The following PKHD1 variants were observed in gnomAD, a reference collection of about 807,000 sequenced individuals.
The protein encoded by PKHD1 is PKHD1 ciliary IPT domain containing fibrocystin/polyductin.
A neutral mutation model predicts 412.0 loss-of-function variants in PKHD1; 291 were observed. The ratio of observed to expected loss-of-function variants is 0.71; its 90% CI spans 0.64 to 0.78. PKHD1 has a LOEUF of 0.78. Ranked by LOEUF, PKHD1 falls within the 30% of genes least tolerant of loss-of-function variation. The probability of loss-of-function intolerance (pLI) is 0.00; values close to 1 mark genes in which losing one functional copy is unlikely to be tolerated. For missense variants in PKHD1, 4,825 were observed against 4,950.7 expected (o/e 0.97, Z 0.76); for synonymous variants, 1,777 against 1,821.5 (o/e 0.98, Z 0.62).
chr6:51,960,107 T>C, intron 35 of PKHD1, 81 bp from the exon 36 acceptor site: 1 of 1,325,438 alleles, frequency 7.5e-7, no homozygotes, highest in Non-Finnish European at 1.1e-6. Flanking sequence ...CGCTGGTTTG[T>C]TGGTTTGTTG....
At chr6:51,978,154 G>A (rs1794697669) in intron 35 of PKHD1, among the ~76,000 whole-genome samples, 1 of 152,184 alleles carries the variant, frequency 6.6e-6, no homozygotes, top group South Asian at 2.1e-4. Context: ...CCTAGAGGAA[G>A]GAAGGAAGGA....
At chr6:51,624,187 T>C (rs1237632549) in intron 66 of PKHD1, among the ~76,000 whole-genome samples, 3 of 152,078 alleles carry the variant, frequency 2.0e-5, no homozygotes, top group African/African-American at 4.8e-5. Flanking sequence ...TCCTGAATAG[T>C]TGGAAATACA....
intron 9 of PKHD1, 100 bp from the exon 10 acceptor site, chr6:52,070,545 T>A: frequency 1.2e-6 from 1 of 844,044 alleles, no homozygotes; most frequent in Non-Finnish European, 2.0e-6. Flanking sequence ...ATCATCAAAT[T>A]ACCACCCAAA....
chr6:51,864,774 T>C (rs1332527512), intron 48 of PKHD1, among the ~76,000 whole-genome samples: 1 of 152,152 alleles, frequency 6.6e-6, no homozygotes, highest in Non-Finnish European at 1.5e-5. Context: ...AAACAAATTA[T>C]TGAGATATTT....
rs114092534 is a variant in PKHD1 at position 51,971,930 on chromosome 6, C to T, written c.5752-11904G>A. Among the ~76,000 whole-genome samples the T allele has an allele frequency of 3.6e-3, 545 of 152,124 alleles. 1 individual carries two copies. Among genetic ancestry groups the T allele is most frequent in the African/African-American group, 0.013 (523 of 41,502 alleles). On this transcript the variant is annotated intron_variant, in intron 35 of 66. Transcript: ENST00000371117. ...ATATTTCTGTAGAGACAAGGTTTTG[C>T]CATGTTTCCCTGGCTGGTCCCAAGC... is the stretch of plus-strand genomic sequence containing the variant.
At chr6:51,941,235 CCTTT>C in intron 36 of PKHD1, among the ~76,000 whole-genome samples, 1 of 123,802 alleles carries the variant, frequency 8.1e-6, no homozygotes, top group Non-Finnish European at 1.7e-5. Context: ...TACAGCATGG[CCTTT>C]TTTTTTTTTT....
rs765652131 is a variant in PKHD1 at position 51,659,776 on chromosome 6, G to A, written c.10350C>T (p.Cys3450=). The change falls in exon 61 of 67, where the codon TGC becomes TGT. Residue 3450 remains cysteine (C), a synonymous_variant. Transcript: ENST00000371117. The part of the protein sequence containing the change: ...VFSSVNANIP[C]STSGSVSTFY... ...AAGTAGACACTGACCCAGAAGTAGA[G>A]CAGGGAATATTGGCATTTACACTGC... 1.3e-5 allele frequency: 21 copies of A among 1,613,432 alleles called. No individual in the cohort carries two copies. The South Asian group carries it at 1.3e-4, about 10-fold the overall frequency.
intron 43 of PKHD1, among the ~76,000 whole-genome samples, chr6:51,900,430 C>T (rs1039112792): frequency 4.6e-5 from 7 of 152,186 alleles, no homozygotes; most frequent in Non-Finnish European, 7.3e-5. Context: ...AAAGGATTCC[C>T]TATTTAATAA....
intron 66 of PKHD1, among the ~76,000 whole-genome samples, chr6:51,624,040 T>G (rs896273878): frequency 1.3e-5 from 2 of 152,172 alleles, no homozygotes; most frequent in Non-Finnish European, 2.9e-5. Context: ...AAAATAGAAT[T>G]GGAACTCTTT....
In PKHD1 at chr6:52,073,471, G is replaced by A. The variant is rs1044839219; in HGVS notation, c.519C>T (p.Tyr173=). The change falls in exon 7 of 67, where the codon TAC becomes TAT. Residue 173 remains tyrosine (Y), a synonymous_variant. Coordinates refer to ENST00000371117, the MANE Select transcript of PKHD1 (RefSeq NM_138694.4). ...RLETFDFDAE[Y]IDSPVILEAQ... The stretch of plus-strand genomic sequence containing the variant: ...AACAAACACACACTTACCTATCAAT[G>A]TACTCAGCATCAAAATCAAAAGTTT... 3.1e-6 allele frequency: 5 copies of A among 1,591,850 alleles called. No individual in the cohort carries two copies. In the Admixed American group the frequency reaches 8.3e-5, roughly 27 times the overall value.
intron 60 of PKHD1, among the ~76,000 whole-genome samples, chr6:51,675,006 T>G (rs181028051): frequency 6.6e-6 from 1 of 152,246 alleles, no homozygotes; most frequent in East Asian, 1.9e-4. Flanking sequence ...TTTTTCAGAG[T>G]TTACCAATGA....
intron 9 of PKHD1, 76 bp downstream of exon 9, chr6:52,070,930 T>C (rs1339804949): frequency 8.1e-6 from 7 of 864,222 alleles, no homozygotes; most frequent in Non-Finnish European, 1.4e-5. Flanking sequence ...TGAGAACCAA[T>C]CTTGCAATTG....
At chr6:52,028,669 A>G (rs1165750497) in intron 29 of PKHD1, among the ~76,000 whole-genome samples, 1 of 151,824 alleles carries the variant, frequency 6.6e-6, no homozygotes, top group Non-Finnish European at 1.5e-5. Context: ...GTGCCACCAC[A>G]CCCAGCTAAT....
intron 49 of PKHD1, among the ~76,000 whole-genome samples, chr6:51,853,584 T>C (rs1013394070): frequency 1.3e-5 from 2 of 152,350 alleles, no homozygotes; most frequent in South Asian, 2.1e-4. Flanking sequence ...TCAGTCTTTT[T>C]ATGAAATCCC....
rs114887993 is a variant in PKHD1 at position 52,011,664 on chromosome 6, T to A, written c.5601-1205A>T. On this transcript the variant is annotated intron_variant, in intron 34 of 66. Coordinates refer to ENST00000371117, the MANE Select transcript of PKHD1 (RefSeq NM_138694.4). Reference sequence around the variant, plus strand: ...ACCCTACCATCTTTTTTCAAATCAATGTCAAAATGTTTTCTTCCACAATTT... The same window carrying A: ...ACCCTACCATCTTTTTTCAAATCAAAGTCAAAATGTTTTCTTCCACAATTT... Among the ~76,000 whole-genome samples the A allele has an allele frequency of 5.2e-3, 790 of 152,312 alleles. 7 individuals are homozygous for A. The highest frequency in any genetic ancestry group is 0.018 in the African/African-American group (743 of 41,582).
intron 37 of PKHD1, among the ~76,000 whole-genome samples, chr6:51,916,531 T>C (rs1203305196): frequency 6.6e-6 from 1 of 152,146 alleles, no homozygotes; most frequent in Non-Finnish European, 1.5e-5. Context: ...GACAAGTAAA[T>C]GGAATTTGTA....
intron 36 of PKHD1, among the ~76,000 whole-genome samples, chr6:51,935,496 G>T (rs1448394108): frequency 2.0e-5 from 3 of 152,112 alleles, no homozygotes; most frequent in Non-Finnish European, 4.4e-5. Flanking sequence ...AAAAATACCA[G>T]ACTAGACCCT....
chr6:51,951,585 A>G (rs1168394690), intron 36 of PKHD1, among the ~76,000 whole-genome samples: 1 of 152,204 alleles, frequency 6.6e-6, no homozygotes, highest in African/African-American at 2.4e-5. Flanking sequence ...ATTGGAAATA[A>G]AAGCAAACAA....
rs186297741 is a variant in PKHD1, at chr6:51,925,755, T to A, written c.6121+8355A>T. ...TACGCCTTTGGACTTGGACTCTCTA[T>A]CTGCTTCTCTTTTTCTCTCCCTCCT... On this transcript the variant is annotated intron_variant, in intron 37 of 66. Transcript: ENST00000371117. Among the ~76,000 whole-genome samples, 197 of 152,218 alleles carry A rather than the reference T, an allele frequency of 1.3e-3. 2 individuals carry two copies. The highest frequency in any genetic ancestry group is 4.6e-3 in the African/African-American group (190 of 41,542).
Sources: allele counts gnomAD v4.1 joint callset (sites outside exome capture counted in the v4.1 genomes callset), GRCh38; gene constraint gnomAD v4.1.1; transcripts MANE v1.5; gene names NCBI Gene and HGNC (gene_info 2026-07-23, HGNC 2026-07-21).